Variants in BANK1 observed in about 807,000 individuals in gnomAD.
The protein encoded by BANK1 is B cell scaffold protein with ankyrin repeats 1.
In BANK1, 95 loss-of-function variants were observed where a neutral mutation model predicts 94.5. The observed-to-expected ratio is 1.00, with a 90% CI of 0.85 to 1.19. BANK1 has a LOEUF of 1.19. Among genes scored for constraint, BANK1 ranks in the 50% most tolerant of loss-of-function variants. The pLI is 0.00. For synonymous variants in BANK1, 334 were observed against 308.4 expected, an observed-to-expected ratio of 1.08 and a Z score of -0.87; for missense variants, 987 against 932.2, an observed-to-expected ratio of 1.06 and a Z score of -0.77.
intron 5 of BANK1, among the ~76,000 whole-genome samples, chr4:101,890,804 C>T (rs550745772): frequency 4.0e-5 from 6 of 148,894 alleles, no homozygotes; most frequent in South Asian, 2.1e-4. Context: ...TTTAAATGCA[C>T]CTATTTGCAC....
intron 7 of BANK1, among the ~76,000 whole-genome samples, chr4:101,923,014 C>G (rs1296992605): frequency 6.6e-6 from 1 of 151,142 alleles, no homozygotes; most frequent in Non-Finnish European, 1.5e-5. Context: ...CTCCTAGAGT[C>G]TTGGAATTCA....
chr4:101,979,898 T>A lies in BANK1; in HGVS notation c.1207-41616T>A, dbSNP rs77116449. 4.2e-3 allele frequency among the ~76,000 whole-genome samples: 645 copies of A among 151,984 alleles called. 8 individuals are homozygous for A. The highest frequency in any genetic ancestry group is 0.015 in the African/African-American group (633 of 41,556). ...AATTGGTATCTGACTTCTCTTAGTA[T>A]TACTCAGATGAAACATATTTTCCTA... is the stretch of plus-strand genomic sequence containing the variant. On this transcript the variant is annotated intron_variant, in intron 7 of 16. Transcript: ENST00000322953.
intron 1 of BANK1, among the ~76,000 whole-genome samples, chr4:101,792,469 G>T (rs199809160): frequency 0.32 from 31,142 of 97,236 alleles, 4,388 homozygotes; most frequent in Non-Finnish European, 0.42. Flanking sequence ...GTGTGTGTGT[G>T]TTTTTTTTTT....
At chr4:101,945,350 A>G (rs954994467) in intron 7 of BANK1, among the ~76,000 whole-genome samples, 3 of 151,902 alleles carry the variant, frequency 2.0e-5, no homozygotes, top group African/African-American at 7.2e-5. Context: ...TTGGAGCATG[A>G]GGGGCAAACA....
intron 7 of BANK1, among the ~76,000 whole-genome samples, chr4:101,931,610 A>G (rs896565850): frequency 1.3e-5 from 2 of 151,530 alleles, no homozygotes; most frequent in African/African-American, 2.4e-5. Context: ...ATCTCTTTCT[A>G]TATAACATAT....
chr4:101,971,524 A>G (rs1043634033), intron 7 of BANK1, among the ~76,000 whole-genome samples: 1 of 152,062 alleles, frequency 6.6e-6, no homozygotes, highest in Non-Finnish European at 1.5e-5. Context: ...CTGTTTGTCT[A>G]TTTATGCTTA....
chr4:101,948,302 C>G (rs1724008671), intron 7 of BANK1, among the ~76,000 whole-genome samples: 2 of 152,060 alleles, frequency 1.3e-5, no homozygotes, highest in African/African-American at 4.8e-5. Context: ...TGGTGTCATG[C>G]TCAGATGTTA....
At chr4:101,852,958 C>T (rs1727545352) in intron 2 of BANK1, among the ~76,000 whole-genome samples, 2 of 152,012 alleles carry the variant, frequency 1.3e-5, no homozygotes, top group Non-Finnish European at 2.9e-5. Context: ...TAAATAAAAT[C>T]CATTTCTTAG....
intron 7 of BANK1, among the ~76,000 whole-genome samples, chr4:101,989,658 CTCTT>C (rs1173470280): frequency 1.3e-5 from 2 of 150,816 alleles, no homozygotes; most frequent in South Asian, 2.1e-4. Context: ...TTCTCTGTCT[CTCTT>C]TCATGACTGA....
intron 10 of BANK1, among the ~76,000 whole-genome samples, chr4:102,035,663 AAAC>A (rs1727486416): frequency 7.0e-6 from 1 of 142,578 alleles, no homozygotes; most frequent in African/African-American, 2.6e-5. Flanking sequence ...AAAAAAAAAA[AAAC>A]TGAACCCATG....
At chr4:101,877,765 A>AT (rs1471405489) in intron 5 of BANK1, among the ~76,000 whole-genome samples, 2 of 152,016 alleles carry the variant, frequency 1.3e-5, no homozygotes, top group African/African-American at 4.8e-5. Flanking sequence ...GGTGCCTGTA[A>AT]TCCCAGCTAC....
chr4:102,049,384 T>A (rs1178494298), intron 11 of BANK1, among the ~76,000 whole-genome samples: 1 of 152,200 alleles, frequency 6.6e-6, no homozygotes, highest in Admixed American at 6.5e-5. Context: ...CATCTTGGAC[T>A]GTACAGAAGG....
intron 7 of BANK1, among the ~76,000 whole-genome samples, chr4:101,958,111 G>C (rs188831254): frequency 4.6e-5 from 7 of 152,238 alleles, no homozygotes; most frequent in Non-Finnish European, 8.8e-5. Context: ...CTCCCAAAGT[G>C]CTGGGATTAC....
chr4:101,803,881 C>T lies in BANK1; in HGVS notation c.70+12931C>T, dbSNP rs547789376. On this transcript the variant is annotated intron_variant, in intron 1 of 16. Coordinates refer to ENST00000322953, the MANE Select transcript of BANK1 (RefSeq NM_017935.5). ...GGCGTAGTGGCGGGCGCCTGTAGTC[C>T]CAGCTACTTGGGAGGCTGAGGCAGG... is the stretch of plus-strand genomic sequence containing the variant. Among the ~76,000 whole-genome samples, 512 of 148,180 alleles carry T rather than the reference C, an allele frequency of 3.5e-3. 2 individuals are homozygous for T. The highest frequency in any genetic ancestry group is 6.4e-3 in the Non-Finnish European group (427 of 66,450).
intron 5 of BANK1, among the ~76,000 whole-genome samples, chr4:101,889,466 C>T (rs950865224): frequency 1.3e-5 from 2 of 151,412 alleles, no homozygotes; most frequent in African/African-American, 4.8e-5. Context: ...GGCGCGGTGG[C>T]GGGCGCCTGT....
intron 8 of BANK1, among the ~76,000 whole-genome samples, chr4:102,024,242 A>G: frequency 6.6e-6 from 1 of 152,180 alleles, no homozygotes; most frequent in Non-Finnish European, 1.5e-5. Context: ...TAGCTTAGCA[A>G]CATTTTAATA....
At chr4:101,856,018 G>A (rs1334724908) in intron 3 of BANK1, among the ~76,000 whole-genome samples, 1 of 152,162 alleles carries the variant, frequency 6.6e-6, no homozygotes, top group African/African-American at 2.4e-5. Flanking sequence ...GCATCCTTGA[G>A]TATAAAGAGC....
intron 1 of BANK1, among the ~76,000 whole-genome samples, chr4:101,820,971 T>C (rs560556246): frequency 2.0e-5 from 3 of 152,308 alleles, no homozygotes; most frequent in African/African-American, 7.2e-5. Context: ...TGATTTATAT[T>C]CCTCTGGGTG....
chr4:101,930,166 G>A (rs2148905028), intron 7 of BANK1, among the ~76,000 whole-genome samples: 1 of 151,390 alleles, frequency 6.6e-6, no homozygotes, highest in South Asian at 2.1e-4. Flanking sequence ...TAAATTTTAT[G>A]AGAGTGTGTG....
Sources: allele counts gnomAD v4.1 joint callset (sites outside exome capture counted in the v4.1 genomes callset), GRCh38; gene constraint gnomAD v4.1.1; transcripts MANE v1.5; gene names NCBI Gene and HGNC (gene_info 2026-07-23, HGNC 2026-07-21).